MKLN1: variants seen among roughly 807,000 people sequenced by gnomAD.
MKLN1 encodes the protein muskelin 1.
A neutral mutation model predicts 99.0 loss-of-function variants in MKLN1; 18 were observed. The observed-to-expected ratio is 0.18, with a 90% confidence interval of 0.13 to 0.27. The LOEUF (loss-of-function observed/expected upper bound fraction) is 0.27. MKLN1 is among the 10% of genes least tolerant of loss of function. The pLI, the probability that MKLN1 is intolerant of heterozygous loss-of-function variation, is 1.00. For synonymous variants in MKLN1, 288 were observed against 293.2 expected, an observed-to-expected ratio of 0.98 and a Z score of 0.18; for missense variants, 621 against 875.9, an observed-to-expected ratio of 0.71 and a Z score of 3.67.
chr7:131,208,053 C>T (rs1796845979), intron 3 of MKLN1, among the ~76,000 whole-genome samples: 2 of 152,046 alleles, frequency 1.3e-5, no homozygotes, highest in South Asian at 2.1e-4. Context: ...TTGTCCCAGA[C>T]CTTCGGAAAA....
At chr7:131,371,973 G>A (rs1416264477) in intron 1 of MKLN1, among the ~76,000 whole-genome samples, 1 of 151,824 alleles carries the variant, frequency 6.6e-6, no homozygotes, top group African/African-American at 2.4e-5. Context: ...TAATTTAGAA[G>A]ATATGTGGTA....
intron 3 of MKLN1, among the ~76,000 whole-genome samples, chr7:131,296,693 G>A (rs543529245): frequency 2.6e-5 from 4 of 152,142 alleles, no homozygotes; most frequent in Non-Finnish European, 5.9e-5. Flanking sequence ...GTTTGAGACC[G>A]GCATAAGCAA....
intron 2 of MKLN1, among the ~76,000 whole-genome samples, chr7:131,144,996 CACA>C (rs750299622): frequency 4.0e-5 from 6 of 151,710 alleles, no homozygotes; most frequent in East Asian, 1.9e-4. Context: ...CAACAACAAC[CACA>C]ACAACAACAA....
chr7:131,378,356 C>T (rs1487033865), intron 2 of MKLN1, among the ~76,000 whole-genome samples: 5 of 152,176 alleles, frequency 3.3e-5, no homozygotes, highest in Admixed American at 6.5e-5. Flanking sequence ...AGGTGATCCG[C>T]CCACCTTGGC....
rs1796601486 is a variant in MKLN1, at chr7:131,464,420, A to G, written c.1788+12A>G. 6.6e-7 allele frequency: 1 copy of G among 1,510,548 alleles called. No individual in the cohort carries two copies. Among genetic ancestry groups the G allele is most frequent in the Non-Finnish European group, 9.2e-7 (1 of 1,087,294 alleles). 93.6% of individuals were successfully genotyped at this position (1,510,548 alleles called of 1,614,324 possible). A position where few individuals can be genotyped will look rare whatever the true frequency, so the allele number is the denominator to read the frequency against. On this transcript the variant is annotated intron_variant, in intron 14 of 17. Transcript: ENST00000352689. ...ATGAGCTACACAAGGTATCCTAACT[A>G]CATTGACCTGTAAACTTTCCATGGC... is the stretch of plus-strand genomic sequence containing the variant.
upstream of MKLN1, among the ~76,000 whole-genome samples, chr7:131,325,019 G>A (rs897566878): frequency 6.6e-6 from 1 of 152,064 alleles, no homozygotes; most frequent in Non-Finnish European, 1.5e-5. Context: ...AGGGATACAC[G>A]TTTGTAGTCT....
In MKLN1 at chr7:131,491,751, T is replaced by C. The variant is rs1367005802; in HGVS notation, c.*4023T>C. 6.6e-6 allele frequency: 1 copy of C among 152,642 alleles called. No homozygotes were observed. Among genetic ancestry groups the C allele is most frequent in the Non-Finnish European group, 1.5e-5 (1 of 68,038 alleles). 9.5% of individuals were successfully genotyped at this position (152,642 alleles called of 1,614,324 possible). ...TCTGAATAAATGCTGTATTAGAGGT[T>C]CTATTTATATATGATTTTTAAAACT... On this transcript the variant is annotated 3_prime_UTR_variant, in exon 18 of 18. Transcript: ENST00000352689.
chr7:131,282,851 C>T (rs1798072250), intron 3 of MKLN1, among the ~76,000 whole-genome samples: 1 of 152,132 alleles, frequency 6.6e-6, no homozygotes, highest in Admixed American at 6.6e-5. Context: ...GCATGGACAA[C>T]TGCATTAAAA....
At chr7:131,123,787 CAA>C (rs5887494) in intron 1 of MKLN1, among the ~76,000 whole-genome samples, 128 of 143,992 alleles carry the variant, frequency 8.9e-4, no homozygotes, top group Non-Finnish European at 9.1e-4. Context: ...GACTCTGTCT[CAA>C]AAAAAAAAAA....
intron 5 of MKLN1, among the ~76,000 whole-genome samples, chr7:131,397,696 G>C (rs1204212825): frequency 6.6e-6 from 1 of 152,098 alleles, no homozygotes; most frequent in African/African-American, 2.4e-5. Flanking sequence ...AGGCAGTTTG[G>C]CTCCACAGTC....
intron 2 of MKLN1, among the ~76,000 whole-genome samples, chr7:131,145,185 A>T (rs936442138): frequency 1.3e-5 from 2 of 152,216 alleles, no homozygotes; most frequent in Non-Finnish European, 2.9e-5. Flanking sequence ...ATACAATCAG[A>T]TTCTCTCCCC....
At chr7:131,247,228 C>CTTTTTTTT (rs1274190670) in intron 3 of MKLN1, among the ~76,000 whole-genome samples, 1 of 97,466 alleles carries the variant, frequency 1.0e-5, no homozygotes, top group East Asian at 1.0e-3. Flanking sequence ...TCTTCTTTTT[C>CTTTTTTTT]TTTTTTCTTT....
intron 2 of MKLN1, among the ~76,000 whole-genome samples, chr7:131,180,450 G>A (rs1172480499): frequency 2.0e-5 from 3 of 152,196 alleles, no homozygotes; most frequent in Non-Finnish European, 2.9e-5. Flanking sequence ...TGTAATCCCA[G>A]CACTTTGGGA....
chr7:131,270,627 T>C (rs887381837), intron 3 of MKLN1, among the ~76,000 whole-genome samples: 10 of 152,242 alleles, frequency 6.6e-5, no homozygotes, highest in Admixed American at 2.0e-4. Context: ...CATTCATCTA[T>C]TTATTCATTT....
At chr7:131,477,187 G>A (rs1584782622) in intron 16 of MKLN1, among the ~76,000 whole-genome samples, 1 of 152,088 alleles carries the variant, frequency 6.6e-6, no homozygotes, top group African/African-American at 2.4e-5. Flanking sequence ...AGTAATCATC[G>A]AAGAAAAATA....
At chr7:131,331,403 C>A (rs1799070534) in intron 1 of MKLN1, among the ~76,000 whole-genome samples, 1 of 152,166 alleles carries the variant, frequency 6.6e-6, no homozygotes, top group African/African-American at 2.4e-5. Flanking sequence ...CACAAAAACC[C>A]TATGAGATAA....
chr7:131,400,967 C>T (rs1036584379), intron 6 of MKLN1, among the ~76,000 whole-genome samples: 1 of 152,070 alleles, frequency 6.6e-6, no homozygotes, highest in Non-Finnish European at 1.5e-5. Flanking sequence ...ACATTCCTTT[C>T]AGGGTTGTTC....
At chr7:131,485,545 CA>C (rs546777691) in intron 17 of MKLN1, among the ~76,000 whole-genome samples, 16 of 152,172 alleles carry the variant, frequency 1.1e-4, no homozygotes, top group African/African-American at 3.9e-4. Context: ...TAGAAAAGAA[CA>C]CCTTTACCTT....
chr7:131,455,804 G>C (rs952034108), intron 12 of MKLN1, among the ~76,000 whole-genome samples: 9 of 152,182 alleles, frequency 5.9e-5, no homozygotes, highest in South Asian at 2.1e-4. Context: ...CCAACACTTT[G>C]GGAGGCCGAG....
Sources: gnomAD v4.1 joint callset for allele counts (sites outside exome capture counted in the v4.1 genomes callset) on GRCh38, gnomAD v4.1.1 for gene constraint, MANE v1.5 for transcripts, NCBI Gene and HGNC (gene_info 2026-07-23, HGNC 2026-07-21) for gene names.